AGBL1: variants seen among roughly 807,000 people sequenced by gnomAD.
AGBL1 encodes the protein AGBL carboxypeptidase 1.
Under a neutral mutation model 118.9 loss-of-function variants are expected in AGBL1, and 130 were observed. The ratio of observed to expected loss-of-function variants is 1.09; its 90% CI spans 0.95 to 1.26. The LOEUF (loss-of-function observed/expected upper bound fraction) is 1.26, where lower values mean the gene tolerates loss of function less well. Ranked by LOEUF, AGBL1 falls within the 50% of genes most tolerant of loss-of-function variation. AGBL1 has a pLI of 0.00. For missense variants in AGBL1, 1,584 were observed against 1,298.1 expected, an observed-to-expected ratio of 1.22 and a Z score of -3.38; for synonymous variants, 555 against 478.9, an observed-to-expected ratio of 1.16 and a Z score of -2.08.
chr15:86,528,544 A>T (rs1411551521), intron 19 of AGBL1, among the ~76,000 whole-genome samples: 1 of 146,102 alleles, frequency 6.8e-6, no homozygotes, highest in Non-Finnish European at 1.5e-5. Context: ...GGCGCCGGCC[A>T]TTGCCCAGGC....
intron 22 of AGBL1, among the ~76,000 whole-genome samples, chr15:86,758,424 C>CAT (rs906176108): frequency 6.6e-6 from 1 of 152,056 alleles, no homozygotes; most frequent in African/African-American, 2.4e-5. Flanking sequence ...TACCATGTAT[C>CAT]ATACCATGCA....
chr15:86,936,854 C>T (rs568271776), intron 23 of AGBL1, among the ~76,000 whole-genome samples: 6 of 152,188 alleles, frequency 3.9e-5, no homozygotes, highest in South Asian at 4.1e-4. Flanking sequence ...AGTATTAACA[C>T]GGTAAACAGA....
chr15:86,703,305 C>T (rs1479747039), intron 22 of AGBL1, among the ~76,000 whole-genome samples: 1 of 152,118 alleles, frequency 6.6e-6, no homozygotes, highest in Admixed American at 6.6e-5. Context: ...TCTTAATGAG[C>T]ATAACATGGT....
chr15:86,653,015 G>T (rs1215810580), intron 21 of AGBL1, among the ~76,000 whole-genome samples: 1 of 152,286 alleles, frequency 6.6e-6, no homozygotes, highest in Non-Finnish European at 1.5e-5. Flanking sequence ...CTGATGTAGA[G>T]AATCCTTGTT....
chr15:86,635,249 CT>C, intron 21 of AGBL1, among the ~76,000 whole-genome samples: 1 of 119,756 alleles, frequency 8.4e-6, no homozygotes, highest in African/African-American at 3.3e-5. Context: ...CTTTCTCCTC[CT>C]CCTCCCCCTC....
intron 16 of AGBL1, among the ~76,000 whole-genome samples, chr15:86,290,694 TTTA>T (rs1021244902): frequency 6.6e-6 from 1 of 151,622 alleles, no homozygotes; most frequent in African/African-American, 2.4e-5. Context: ...TTTTTTTTAT[TTTA>T]TTATTATTAT....
intron 21 of AGBL1, among the ~76,000 whole-genome samples, chr15:86,600,543 G>C (rs2084477233): frequency 6.6e-6 from 1 of 152,124 alleles, no homozygotes; most frequent in Non-Finnish European, 1.5e-5. Context: ...TCTAGGAATA[G>C]TCATCCCCTG....
At chr15:86,164,359 A>G (rs137872797) in intron 5 of AGBL1, among the ~76,000 whole-genome samples, 1 of 152,240 alleles carries the variant, frequency 6.6e-6, no homozygotes, top group East Asian at 1.9e-4. Flanking sequence ...ATCTGCACTA[A>G]AGCTGTCTTT....
intron 22 of AGBL1, among the ~76,000 whole-genome samples, chr15:86,800,339 G>A (rs2078632377): frequency 6.6e-6 from 1 of 152,062 alleles, no homozygotes; most frequent in South Asian, 2.1e-4. Flanking sequence ...TATTAGGATA[G>A]TTTTGTATTT....
Position 86,247,675 on chromosome 15 carries a change from G to C in AGBL1, c.531G>C (p.Ser177=), listed in dbSNP as rs554734978. The C allele has an allele frequency of 4.4e-6, 7 of 1,601,174 alleles. No homozygotes were observed. In the Admixed American group the frequency reaches 8.7e-5, roughly 20 times the overall value. Residue 177 remains serine (S), a synonymous_variant, in exon 7 of 23, where the codon TCG becomes TCC. Coordinates refer to ENST00000614907, the MANE Select transcript of AGBL1 (RefSeq NM_001386094.1). ...EVLAALLKSK[S]NGRRAVNRGY... ...TGCCTTTCCCTTTGTTTTCAGAGTC[G>C]AACGGCCGCAGAGCAGTGAACCGAG...
At chr15:86,142,708 T>C (rs756607518) in intron 2 of AGBL1, among the ~76,000 whole-genome samples, 4 of 152,178 alleles carry the variant, frequency 2.6e-5, no homozygotes, top group East Asian at 1.9e-4. Flanking sequence ...GCCCATTGTA[T>C]TGGGGTCTTT....
intron 6 of AGBL1, among the ~76,000 whole-genome samples, chr15:86,233,713 A>G (rs2078493015): frequency 6.6e-6 from 1 of 152,232 alleles, no homozygotes; most frequent in African/African-American, 2.4e-5. Context: ...GCAAGAAGGA[A>G]GAACTAGTGA....
Position 86,510,827 on chromosome 15 carries a change from T to C in AGBL1, c.2556-11983T>C, listed in dbSNP as rs147270589. 5.6e-3 allele frequency among the ~76,000 whole-genome samples: 854 copies of C among 152,216 alleles called. 7 individuals are homozygous for C. The highest frequency in any genetic ancestry group is 0.016 in the African/African-American group (669 of 41,570). On this transcript the variant is annotated intron_variant, in intron 18 of 22. Coordinates refer to ENST00000614907, the MANE Select transcript of AGBL1 (RefSeq NM_001386094.1). Reference sequence around the variant, plus strand: ...GAGTTGACTGTCCAGAGAAAAAATATTCTGACAGCAGTAGAATGGGGAGTT... The same window carrying C: ...GAGTTGACTGTCCAGAGAAAAAATACTCTGACAGCAGTAGAATGGGGAGTT...
intron 17 of AGBL1, chr15:86,316,608 C>A (rs2080015506): frequency 6.6e-6 from 1 of 152,226 alleles, no homozygotes; most frequent in African/African-American, 2.4e-5. Context: ...TTCTGCAGGC[C>A]ACCGAAATAA....
chr15:86,204,024 A>C (rs1304922281), intron 5 of AGBL1, among the ~76,000 whole-genome samples: 4 of 152,180 alleles, frequency 2.6e-5, no homozygotes, highest in Non-Finnish European at 5.9e-5. Context: ...CTCCTAGATA[A>C]AGAGTGAAGG....
At chr15:86,411,709 G>A (rs1188160017) in intron 18 of AGBL1, among the ~76,000 whole-genome samples, 2 of 152,022 alleles carry the variant, frequency 1.3e-5, no homozygotes, top group African/African-American at 4.8e-5. Flanking sequence ...AATGGCCAAG[G>A]AGATAAATAA....
chr15:86,275,332 G>C (rs2079233372), intron 15 of AGBL1, among the ~76,000 whole-genome samples: 1 of 152,130 alleles, frequency 6.6e-6, no homozygotes. Flanking sequence ...TCCTTCCATG[G>C]GATCTCAAGA....
intron 22 of AGBL1, among the ~76,000 whole-genome samples, chr15:86,729,409 G>C (rs973361142): frequency 6.7e-6 from 1 of 150,298 alleles, no homozygotes; most frequent in Non-Finnish European, 1.5e-5. Context: ...TACCCAATGG[G>C]TAGTTTTTCA....
At chr15:86,726,390 A>C (rs975483756) in intron 22 of AGBL1, among the ~76,000 whole-genome samples, 1 of 152,186 alleles carries the variant, frequency 6.6e-6, no homozygotes, top group South Asian at 2.1e-4. Context: ...ACTGGATCCA[A>C]ATCTCAGCTC....
Sources: allele counts gnomAD v4.1 joint callset (sites outside exome capture counted in the v4.1 genomes callset), GRCh38; gene constraint gnomAD v4.1.1; transcripts MANE v1.5; gene names NCBI Gene and HGNC (gene_info 2026-07-23, HGNC 2026-07-21).